Variants in ARHGAP8 observed in about 807,000 individuals in gnomAD.
ARHGAP8 encodes the protein rho GTPase-activating protein 8.
Under a neutral mutation model 46.1 loss-of-function variants are expected in ARHGAP8, and 62 were observed. The ratio of observed to expected loss-of-function variants is 1.34; its 90% CI spans 1.10 to 1.66. The LOEUF (loss-of-function observed/expected upper bound fraction) is 1.66. ARHGAP8 is among the 40% of genes most tolerant of loss of function. ARHGAP8 has a pLI of 0.00. For synonymous variants in ARHGAP8, 375 were observed against 243.1 expected, an observed-to-expected ratio of 1.54 and a Z score of -5.05; for missense variants, 923 against 568.4, an observed-to-expected ratio of 1.62 and a Z score of -6.34.
At chr22:44,795,618 C>T (rs763497627) in intron 2 of ARHGAP8, among the ~76,000 whole-genome samples, 24 of 152,098 alleles carry the variant, frequency 1.6e-4, no homozygotes, top group Non-Finnish European at 2.4e-4. Flanking sequence ...GCAAACCAGA[C>T]GAGGGCGGGA....
At chr22:44,794,066 G>A (rs1378904809) in intron 2 of ARHGAP8, among the ~76,000 whole-genome samples, 1 of 152,194 alleles carries the variant, frequency 6.6e-6, no homozygotes, top group Non-Finnish European at 1.5e-5. Context: ...GTCAGCCTCG[G>A]CCAGCTGCTC....
intron 5 of ARHGAP8, among the ~76,000 whole-genome samples, chr22:44,818,708 T>C (rs1032427979): frequency 2.6e-5 from 4 of 151,298 alleles, no homozygotes; most frequent in Admixed American, 2.6e-4. Context: ...TCCTTTTCTC[T>C]TTTTTTTTCA....
chr22:44,800,251 G>A (rs1384184976), intron 2 of ARHGAP8, among the ~76,000 whole-genome samples: 1 of 151,958 alleles, frequency 6.6e-6, no homozygotes, highest in Non-Finnish European at 1.5e-5. Context: ...CTGTAGACAT[G>A]TGCCACCACG....
chr22:44,845,356 G>A lies in ARHGAP8; in HGVS notation c.670+14G>A, dbSNP rs771669473. 20 of 1,613,798 alleles carry A rather than the reference G, an allele frequency of 1.2e-5. No homozygotes were observed. The highest frequency in any genetic ancestry group is 1.7e-4 in the Middle Eastern group (1 of 6,026). ...TGAGAGAGAAAGGTGAGACGGGGCCGGCTCCAGCTGGATGACGTGAGGGCT... is the reference window on the plus strand; with the variant it reads ...TGAGAGAGAAAGGTGAGACGGGGCCAGCTCCAGCTGGATGACGTGAGGGCT... On this transcript the variant is annotated intron_variant, in intron 8 of 11. Transcript: ENST00000356099.
At chr22:44,810,995 G>T (rs1929293869) in intron 4 of ARHGAP8, among the ~76,000 whole-genome samples, 1 of 152,182 alleles carries the variant, frequency 6.6e-6, no homozygotes, top group African/African-American at 2.4e-5. Flanking sequence ...TGAAGGTTTT[G>T]CCCTCTGCAC....
At chr22:44,818,443 C>G in intron 5 of ARHGAP8, among the ~76,000 whole-genome samples, 1 of 103,022 alleles carries the variant, frequency 9.7e-6, no homozygotes, top group African/African-American at 8.6e-5. Flanking sequence ...GAGTGAGACT[C>G]CAGTCTCAAA....
chr22:44,855,217 AAAAG>A (rs1267406985), intron 10 of ARHGAP8, among the ~76,000 whole-genome samples: 6 of 152,078 alleles, frequency 3.9e-5, no homozygotes, highest in African/African-American at 1.4e-4. Context: ...TGCAAAGAAA[AAAAG>A]AATTTTTTTT....
intron 10 of ARHGAP8, among the ~76,000 whole-genome samples, chr22:44,856,142 C>T (rs1359473315): frequency 6.6e-6 from 1 of 152,106 alleles, no homozygotes; most frequent in Non-Finnish European, 1.5e-5. Context: ...TCACCCGTCA[C>T]CCATCCCCAC....
chr22:44,826,302 G>T (rs903311941), intron 7 of ARHGAP8, among the ~76,000 whole-genome samples: 9 of 152,162 alleles, frequency 5.9e-5, no homozygotes, highest in African/African-American at 1.7e-4. Context: ...GCTGGGCTCA[G>T]CCGCTGAGAT....
intron 7 of ARHGAP8, among the ~76,000 whole-genome samples, chr22:44,836,028 C>A (rs1042381327): frequency 6.6e-6 from 1 of 152,074 alleles, no homozygotes; most frequent in African/African-American, 2.4e-5. Flanking sequence ...CTTGCCAGAA[C>A]CTCTACCCCA....
Position 44,849,192 on chromosome 22 carries a change from C to T in ARHGAP8, c.877+132C>T, listed in dbSNP as rs1052935676. The T allele has an allele frequency of 3.3e-6, 5 of 1,515,392 alleles. No individual in the cohort carries two copies. In the African/African-American group the frequency reaches 5.5e-5, roughly 17 times the overall value. The allele number at this position is 1,515,392 out of a possible 1,614,324, so 93.9% of individuals were successfully genotyped here. Reference sequence around the variant, plus strand: ...ACCCTCCTCCTGTTGCCATCTGGCACTGCAGGGCAAGAGAGGGGGTTGTTG... The same window carrying T: ...ACCCTCCTCCTGTTGCCATCTGGCATTGCAGGGCAAGAGAGGGGGTTGTTG... On this transcript the variant is annotated intron_variant, in intron 10 of 11. Coordinates refer to ENST00000356099, the MANE Select transcript of ARHGAP8 (RefSeq NM_181335.3).
intron 7 of ARHGAP8, among the ~76,000 whole-genome samples, chr22:44,828,365 C>G (rs1307868138): frequency 6.6e-6 from 1 of 151,982 alleles, no homozygotes; most frequent in Admixed American, 6.5e-5. Flanking sequence ...TGACCTCGGT[C>G]CCCTCCTGGG....
At chr22:44,814,854 C>A in intron 5 of ARHGAP8, 96 bp downstream of exon 5, 1 of 1,418,236 alleles carries the variant, frequency 7.1e-7, no homozygotes, top group South Asian at 1.3e-5. Context: ...TCATGGAGGG[C>A]CCGTCTCCAG....
chr22:44,839,381 GA>G (rs1931501987), intron 7 of ARHGAP8, among the ~76,000 whole-genome samples: 1 of 151,198 alleles, frequency 6.6e-6, no homozygotes, highest in Non-Finnish European at 1.5e-5. Context: ...ATCGAGATTG[GA>G]TATGCAGAAG....
At chr22:44,763,369 T>C (rs1665436027) in intron 1 of ARHGAP8, among the ~76,000 whole-genome samples, 2 of 151,152 alleles carry the variant, frequency 1.3e-5, no homozygotes, top group African/African-American at 4.9e-5. Context: ...TAGTGGTGCG[T>C]GCCTGTAATC....
At chr22:44,821,580 C>T (rs1234386361) in intron 5 of ARHGAP8, among the ~76,000 whole-genome samples, 1 of 152,198 alleles carries the variant, frequency 6.6e-6, no homozygotes, top group East Asian at 1.9e-4. Flanking sequence ...AAGGCGTGCT[C>T]GCATCCATCT....
chr22:44,839,228 G>C (rs1370455635), intron 7 of ARHGAP8, among the ~76,000 whole-genome samples: 3 of 152,178 alleles, frequency 2.0e-5, no homozygotes, highest in African/African-American at 7.2e-5. Context: ...GAGGCAGGGG[G>C]CCAGGTCCGT....
intron 8 of ARHGAP8, among the ~76,000 whole-genome samples, chr22:44,846,574 A>AC (rs2069962174): frequency 6.6e-6 from 1 of 151,848 alleles, no homozygotes. Context: ...CCACACTGGG[A>AC]CCCCAAGAGG....
intron 6 of ARHGAP8, among the ~76,000 whole-genome samples, chr22:44,824,563 G>C (rs1204076368): frequency 6.6e-6 from 1 of 152,058 alleles, no homozygotes; most frequent in African/African-American, 2.4e-5. Flanking sequence ...GCTTCAATAC[G>C]TATTTGCCTG....
Sources: allele counts gnomAD v4.1 joint callset (sites outside exome capture counted in the v4.1 genomes callset), GRCh38; gene constraint gnomAD v4.1.1; transcripts MANE v1.5; gene names NCBI Gene and HGNC (gene_info 2026-07-23, HGNC 2026-07-21).